The following TTC8 variants were observed in gnomAD, a reference collection of about 807,000 sequenced individuals.
TTC8 encodes tetratricopeptide repeat domain 8, also known as tetratricopeptide repeat protein 8.
A neutral mutation model predicts 72.5 loss-of-function variants in TTC8; 47 were observed. The observed-to-expected ratio is 0.65, with a 90% confidence interval of 0.51 to 0.83. TTC8 has a LOEUF of 0.83. TTC8 is among the 40% of genes least tolerant of loss of function. The pLI is 0.00. For missense variants in TTC8, 611 were observed against 623.2 expected, an observed-to-expected ratio of 0.98 and a Z score of 0.21; for synonymous variants, 199 against 221.4, an observed-to-expected ratio of 0.90 and a Z score of 0.90.
intron 8 of TTC8, among the ~76,000 whole-genome samples, chr14:88,855,734 G>A (rs923076797): frequency 3.9e-5 from 6 of 152,094 alleles, no homozygotes; most frequent in Non-Finnish European, 2.9e-5. Flanking sequence ...AGACTCTCAT[G>A]GATAATTTAA....
chr14:88,854,299 C>T (rs964328625), intron 8 of TTC8, among the ~76,000 whole-genome samples: 1 of 152,184 alleles, frequency 6.6e-6, no homozygotes, highest in African/African-American at 2.4e-5. Flanking sequence ...TGTACCTTGT[C>T]ATATTAAATT....
intron 1 of TTC8, 89 bp downstream of exon 1, chr14:88,824,910 G>A: frequency 7.8e-7 from 1 of 1,283,550 alleles, no homozygotes. Context: ...GGAGGCCGGG[G>A]AGGAAGGCCC....
intron 3 of TTC8, 86 bp from the exon 4 acceptor site, chr14:88,840,779 A>C: frequency 4.3e-5 from 54 of 1,266,162 alleles, no homozygotes; most frequent in Non-Finnish European, 5.6e-5. Context: ...TCACCAGGCC[A>C]GCGCAATTCT....
chr14:88,872,568 G>C, intron 13 of TTC8, 116 bp downstream of exon 13: 1 of 1,453,868 alleles, frequency 6.9e-7, no homozygotes. Context: ...TCTGACAGGC[G>C]TGGATTTGAA....
downstream of TTC8, chr14:88,880,301 T>C (rs143224016): frequency 2.3e-3 from 347 of 152,316 alleles, 1 homozygote; most frequent in African/African-American, 8.0e-3. Context: ...TATCTATCCA[T>C]ATAGATGGCA....
chr14:88,833,360 A>T (rs902090352), intron 1 of TTC8, among the ~76,000 whole-genome samples: 10 of 152,190 alleles, frequency 6.6e-5, no homozygotes, highest in African/African-American at 1.9e-4. Flanking sequence ...TTATTTTTGA[A>T]TAAAAGGAAA....
chr14:88,846,538 A>T, intron 7 of TTC8: 1 of 882,750 alleles, frequency 1.1e-6, no homozygotes, highest in Non-Finnish European at 1.7e-6. Flanking sequence ...TGATGAGTTT[A>T]GAAGCTAGGC....
chr14:88,862,540 C>CT (rs2094890629), intron 10 of TTC8, among the ~76,000 whole-genome samples: 3 of 41,164 alleles, frequency 7.3e-5, no homozygotes, highest in Non-Finnish European at 9.4e-5. Flanking sequence ...CTCTCTCTCT[C>CT]CATATATATA....
rs2094927277 is a variant in TTC8, at chr14:88,870,044, CTT to C, written c.910-14_910-13del. ...TATTAATAAAATATTGCTCTTCTCT[CTT>C]GATGGAGAATAGGAAATGAACAATA... is the stretch of plus-strand genomic sequence containing the variant. On this transcript the variant is annotated splice_polypyrimidine_tract_variant and intron_variant, in intron 10 of 14. Transcript: ENST00000380656. 3 of 1,613,540 alleles carry C rather than the reference CTT, an allele frequency of 1.9e-6. No individual in the cohort carries two copies. The highest frequency in any genetic ancestry group is 2.5e-6 in the Non-Finnish European group (3 of 1,179,734).
In TTC8 at chr14:88,833,629, A is replaced by G. The variant is rs2094736488; in HGVS notation, c.115-64A>G. 20 of 1,485,112 alleles carry G rather than the reference A, an allele frequency of 1.3e-5. No homozygotes were observed. In the South Asian group the frequency reaches 1.8e-4, roughly 13 times the overall value. The allele number at this position is 1,485,112 out of a possible 1,614,324, so 92.0% of individuals were successfully genotyped here. Reference sequence around the variant, plus strand: ...ACCTACAAATACTTGGTTGGTCCTTAGGACTTTTTATTTTAGAAACTGTAT... The same window carrying G: ...ACCTACAAATACTTGGTTGGTCCTTGGGACTTTTTATTTTAGAAACTGTAT... On this transcript the variant is annotated intron_variant, in intron 1 of 14. Coordinates refer to ENST00000380656, the MANE Select transcript of TTC8 (RefSeq NM_144596.4).
In TTC8 at chr14:88,824,684, C is replaced by A. The variant is rs764837248; in HGVS notation, c.-24C>A. 6 of 1,572,702 alleles carry A rather than the reference C, an allele frequency of 3.8e-6. No individual in the cohort carries two copies. The highest frequency in any genetic ancestry group is 3.5e-6 in the Non-Finnish European group (4 of 1,156,162). On this transcript the variant is annotated 5_prime_UTR_variant, in exon 1 of 15. Coordinates refer to ENST00000380656, the MANE Select transcript of TTC8 (RefSeq NM_144596.4). Reference sequence around the variant, plus strand: ...CCCACCTCTCTCCTGGAGCGCTGGGCCTTCGCTGGCCGCACCGGCAGCCAT... The same window carrying A: ...CCCACCTCTCTCCTGGAGCGCTGGGACTTCGCTGGCCGCACCGGCAGCCAT...
intron 1 of TTC8, among the ~76,000 whole-genome samples, chr14:88,828,152 T>C (rs940594688): frequency 6.6e-6 from 1 of 152,132 alleles, no homozygotes; most frequent in African/African-American, 2.4e-5. Context: ...ATAATTTCAT[T>C]ATGGGCATTC....
downstream of TTC8, chr14:88,878,993 CCT>C (rs1041392777): frequency 6.6e-5 from 10 of 152,182 alleles, no homozygotes; most frequent in Non-Finnish European, 1.5e-4. Context: ...GGTCAAATCA[CCT>C]CTCTCTGTTT....
intron 1 of TTC8, among the ~76,000 whole-genome samples, chr14:88,831,417 G>A (rs934005985): frequency 4.6e-5 from 7 of 152,200 alleles, no homozygotes; most frequent in Non-Finnish European, 8.8e-5. Flanking sequence ...CACTGCCTAT[G>A]AGTTAGCCCT....
chr14:88,828,831 G>A (rs769120374), intron 1 of TTC8, among the ~76,000 whole-genome samples: 8 of 152,000 alleles, frequency 5.3e-5, no homozygotes, highest in African/African-American at 9.7e-5. Context: ...CATTTATTTC[G>A]CCTTTAAGGG....
intron 1 of TTC8, among the ~76,000 whole-genome samples, chr14:88,829,842 C>T (rs2094718033): frequency 6.6e-6 from 1 of 152,194 alleles, no homozygotes; most frequent in Non-Finnish European, 1.5e-5. Context: ...TTGGTTGAGA[C>T]AGTGATTTGG....
chr14:88,846,215 G>A (rs111662833), intron 7 of TTC8, among the ~76,000 whole-genome samples: 2 of 152,152 alleles, frequency 1.3e-5, no homozygotes, highest in African/African-American at 2.4e-5. Flanking sequence ...GGATAGAGCT[G>A]TAGTCCCAGC....
At chr14:88,825,547 C>T (rs1238444464) in intron 1 of TTC8, among the ~76,000 whole-genome samples, 1 of 152,046 alleles carries the variant, frequency 6.6e-6, no homozygotes, top group Non-Finnish European at 1.5e-5. Flanking sequence ...TGTACGTGAG[C>T]GGTACAATTC....
chr14:88,880,143 G>A (rs545113339), downstream of TTC8: 1 of 152,284 alleles, frequency 6.6e-6, no homozygotes, highest in Admixed American at 6.5e-5. Context: ...AGGAAAAAAA[G>A]CCATCACCAA....
Sources: gnomAD v4.1 joint callset for allele counts (sites outside exome capture counted in the v4.1 genomes callset) on GRCh38, gnomAD v4.1.1 for gene constraint, MANE v1.5 for transcripts, NCBI Gene and HGNC (gene_info 2026-07-23, HGNC 2026-07-21) for gene names.